The following FHIT variants were observed in gnomAD, a reference collection of about 807,000 sequenced individuals.
The protein encoded by FHIT is bis(5'-adenosyl)-triphosphatase.
A neutral mutation model predicts 17.9 loss-of-function variants in FHIT; 19 were observed. The ratio of observed to expected loss-of-function variants is 1.06; its 90% CI spans 0.74 to 1.56. The LOEUF (loss-of-function observed/expected upper bound fraction) is 1.56. Among genes scored for constraint, FHIT ranks in the 40% most tolerant of loss-of-function variants. FHIT has a pLI of 0.00. For synonymous variants in FHIT, 81 were observed against 69.7 expected, an observed-to-expected ratio of 1.16 and a Z score of -0.81; for missense variants, 248 against 189.2, an observed-to-expected ratio of 1.31 and a Z score of -1.82.
chr3:61,089,271 G>T (rs1052971208), intron 2 of FHIT, among the ~76,000 whole-genome samples: 1 of 152,152 alleles, frequency 6.6e-6, no homozygotes, highest in South Asian at 2.1e-4. Context: ...ATTTTTAAGT[G>T]TACAGTTTTG....
chr3:59,872,012 A>G (rs1029883996), intron 8 of FHIT, among the ~76,000 whole-genome samples: 1 of 152,192 alleles, frequency 6.6e-6, no homozygotes, highest in African/African-American at 2.4e-5. Flanking sequence ...CAAAGATTAG[A>G]TGTATCTCAG....
chr3:59,973,482 A>G (rs1241138694), intron 7 of FHIT, among the ~76,000 whole-genome samples: 1 of 151,992 alleles, frequency 6.6e-6, no homozygotes, highest in Non-Finnish European at 1.5e-5. Flanking sequence ...ACTGACACCT[A>G]TTCATCCCTT....
intron 3 of FHIT, among the ~76,000 whole-genome samples, chr3:60,987,202 A>G (rs1710754477): frequency 6.6e-6 from 1 of 152,224 alleles, no homozygotes; most frequent in Admixed American, 6.5e-5. Context: ...GCAAGAGCAT[A>G]AAGCTAATGT....
At chr3:61,119,271 T>C (rs565477870) in intron 2 of FHIT, among the ~76,000 whole-genome samples, 10 of 151,968 alleles carry the variant, frequency 6.6e-5, no homozygotes, top group Non-Finnish European at 1.5e-4. Context: ...CAGGCTGGAG[T>C]GCACTGGTGT....
chr3:60,030,028 C>T (rs764609580), intron 5 of FHIT, among the ~76,000 whole-genome samples: 1 of 151,928 alleles, frequency 6.6e-6, no homozygotes, highest in Non-Finnish European at 1.5e-5. Context: ...CCGTCATGGC[C>T]TTTCCTAGCT....
intron 3 of FHIT, among the ~76,000 whole-genome samples, chr3:60,908,111 G>A (rs1204411250): frequency 2.0e-5 from 3 of 152,164 alleles, no homozygotes; most frequent in African/African-American, 7.2e-5. Context: ...TCTCCTGTGT[G>A]CCTAATGCAG....
chr3:60,267,807 G>A (rs748782053), intron 5 of FHIT, among the ~76,000 whole-genome samples: 52 of 152,154 alleles, frequency 3.4e-4, no homozygotes, highest in African/African-American at 1.1e-3. Context: ...TGATCACCAC[G>A]TACATGAATA....
chr3:60,200,059 A>G (rs1005597501), intron 5 of FHIT, among the ~76,000 whole-genome samples: 3 of 152,108 alleles, frequency 2.0e-5, no homozygotes, highest in African/African-American at 7.2e-5. Flanking sequence ...TGATCAAGAA[A>G]GTGAGTGACC....
intron 5 of FHIT, among the ~76,000 whole-genome samples, chr3:60,383,612 T>C (rs1297942787): frequency 1.3e-5 from 2 of 151,980 alleles, no homozygotes; most frequent in Non-Finnish European, 2.9e-5. Context: ...ATATGATCAC[T>C]ATCATTTAAA....
intron 1 of FHIT, among the ~76,000 whole-genome samples, chr3:61,205,419 C>G (rs976772083): frequency 1.3e-5 from 2 of 152,164 alleles, no homozygotes; most frequent in Non-Finnish European, 2.9e-5. Context: ...AATGGTTGAA[C>G]TAGTTTACAG....
At chr3:60,585,587 C>G (rs1553661432) in intron 4 of FHIT, among the ~76,000 whole-genome samples, 1 of 151,996 alleles carries the variant, frequency 6.6e-6, no homozygotes, top group Non-Finnish European at 1.5e-5. Flanking sequence ...ACTGAGTCAA[C>G]AGAGTGGACC....
At chr3:60,098,164 C>T (rs867682922) in intron 5 of FHIT, among the ~76,000 whole-genome samples, 1,664 of 135,356 alleles carry the variant, frequency 0.012, 21 homozygotes, top group African/African-American at 0.041. Flanking sequence ...TGAATAGTGC[C>T]GCAATAAACA....
intron 4 of FHIT, among the ~76,000 whole-genome samples, chr3:60,705,385 G>A (rs1288167068): frequency 7.9e-5 from 12 of 152,106 alleles, no homozygotes; most frequent in African/African-American, 2.9e-4. Flanking sequence ...GGCAAGCAAA[G>A]CTAATGAAGT....
At chr3:60,956,687 G>C (rs1709178929) in intron 3 of FHIT, among the ~76,000 whole-genome samples, 1 of 152,150 alleles carries the variant, frequency 6.6e-6, no homozygotes. Flanking sequence ...CAGGGGCCAG[G>C]CAGGTAATTA....
chr3:61,242,745 G>A (rs974998117), intron 1 of FHIT, among the ~76,000 whole-genome samples: 9 of 152,152 alleles, frequency 5.9e-5, no homozygotes, highest in African/African-American at 1.7e-4. Context: ...CTGATCGGTC[G>A]AATTGGAGAT....
At chr3:60,135,828 G>C (rs1391765241) in intron 5 of FHIT, among the ~76,000 whole-genome samples, 1 of 152,034 alleles carries the variant, frequency 6.6e-6, no homozygotes, top group African/African-American at 2.4e-5. Flanking sequence ...AGAAGAATTT[G>C]GGGCAAAATG....
chr3:60,799,098 T>C (rs532919763), intron 4 of FHIT, among the ~76,000 whole-genome samples: 44 of 152,326 alleles, frequency 2.9e-4, no homozygotes, highest in Non-Finnish European at 5.6e-4. Flanking sequence ...GTTAAAAACA[T>C]AAACTATCAC....
chr3:61,170,214 T>C (rs1196140368), intron 2 of FHIT, among the ~76,000 whole-genome samples: 12 of 152,132 alleles, frequency 7.9e-5, no homozygotes, highest in Non-Finnish European at 1.5e-4. Context: ...GAATTTACAA[T>C]CCACTGAAAA....
intron 5 of FHIT, among the ~76,000 whole-genome samples, chr3:60,418,358 ATATG>A (rs1316583670): frequency 7.1e-6 from 1 of 141,402 alleles, no homozygotes; most frequent in African/African-American, 2.6e-5. Context: ...AAACCTATAT[ATATG>A]TATCTGAATG....
Sources: allele counts gnomAD v4.1 joint callset (sites outside exome capture counted in the v4.1 genomes callset), GRCh38; gene constraint gnomAD v4.1.1; transcripts MANE v1.5; gene names NCBI Gene and HGNC (gene_info 2026-07-23, HGNC 2026-07-21).